The following LCORL variants were observed in gnomAD, a reference collection of about 807,000 sequenced individuals.
LCORL encodes the protein ligand dependent nuclear receptor corepressor like, also known as ligand-dependent nuclear receptor corepressor-like protein.
Under a neutral mutation model 141.8 loss-of-function variants are expected in LCORL, and 41 were observed. That is an observed-to-expected ratio of 0.29 (90% CI 0.23 to 0.38). The LOEUF is 0.38. Among genes scored for constraint, LCORL ranks in the 10% least tolerant of loss-of-function variants. The pLI, the probability that LCORL is intolerant of heterozygous loss-of-function variation, is 1.00. For missense variants in LCORL, 1,759 were observed against 2,035.0 expected, an observed-to-expected ratio of 0.86 and a Z score of 2.61; for synonymous variants, 618 against 694.1, an observed-to-expected ratio of 0.89 and a Z score of 1.72.
rs1281908183 is a variant in LCORL, at chr4:17,921,523, G to A, written c.431-12178C>T. ...TACAGAATAGATGTTCTTGTTTTCA[G>A]GGCATGAAAACAACATTAGTATCCT... On this transcript the variant is annotated intron_variant, in intron 4 of 7. Coordinates refer to ENST00000635767, the Ensembl canonical transcript of LCORL. Among the ~76,000 whole-genome samples the A allele has an allele frequency of 2.0e-5, 3 of 152,206 alleles. No individual in the cohort carries two copies. The East Asian group carries it at 5.8e-4, about 29-fold the overall frequency.
rs57861456 is a variant in LCORL at position 17,984,942 on chromosome 4, C to T, written c.155-12057G>A. 3.0e-3 allele frequency among the ~76,000 whole-genome samples: 464 copies of T among 152,158 alleles called. 6 individuals carry two copies. The East Asian group carries it at 0.044, about 14-fold the overall frequency. On this transcript the variant is annotated intron_variant, in intron 1 of 7. Transcript: ENST00000635767. ...CTGTCTTAGTTGTGCCCCAGAGATTCTGGTATGTTGTATTTTTGTTCTCAT... is the reference window on the plus strand; with the variant it reads ...CTGTCTTAGTTGTGCCCCAGAGATTTTGGTATGTTGTATTTTTGTTCTCAT...
intron 4 of LCORL, among the ~76,000 whole-genome samples, chr4:17,919,434 T>A (rs1444520192): frequency 6.6e-6 from 1 of 152,028 alleles, no homozygotes; most frequent in Non-Finnish European, 1.5e-5. Flanking sequence ...AAAGCAAAAC[T>A]ATCAAATAAA....
At chr4:17,846,138 T>C (rs953202820) in intron 7 of LCORL, among the ~76,000 whole-genome samples, 1 of 152,124 alleles carries the variant, frequency 6.6e-6, no homozygotes, top group African/African-American at 2.4e-5. Context: ...AAAAGTAACA[T>C]TGCATATATG....
chr4:17,909,225 T>C (rs1242975043), exon 5 of LCORL: 2 of 1,613,534 alleles, frequency 1.2e-6, no homozygotes, highest in African/African-American at 2.7e-5. Flanking sequence ...AATTGAACCA[T>C]TTCTATTCTC....
exon 7 of LCORL, chr4:17,874,132 C>T: frequency 8.1e-7 from 1 of 1,233,938 alleles, no homozygotes; most frequent in Non-Finnish European, 1.0e-6. Context: ...GAGTTCCAGT[C>T]AACTGTTCCA....
At chr4:17,912,462 C>A (rs529278298) in intron 4 of LCORL, 1 of 556,358 alleles carries the variant, frequency 1.8e-6, no homozygotes, top group South Asian at 1.5e-5. Flanking sequence ...GGGCCCAATA[C>A]GATGAGCTGG....
In LCORL at chr4:17,873,918, G is replaced by T; in HGVS notation, c.5072C>A (p.Ser1691Ter). Reference sequence around the variant, plus strand: ...ATTTGTTCCATTCTCTTTTGCTTCTGACTTAAATTTATTCTCAAAACTAGC... The same window carrying T: ...ATTTGTTCCATTCTCTTTTGCTTCTTACTTAAATTTATTCTCAAAACTAGC... The change falls in exon 7 of 8, where the codon TCA (serine) becomes TAA (stop). Residue 1691 changes from serine (S) to a stop codon, truncating the protein, a stop_gained. Transcript: ENST00000635767. LOFTEE classifies it high-confidence loss of function. 8.1e-7 allele frequency: 1 copy of T among 1,233,932 alleles called. No homozygotes were observed. Among genetic ancestry groups the T allele is most frequent in the South Asian group, 4.1e-5 (1 of 24,394 alleles). The allele number at this position is 1,233,932 out of a possible 1,614,324, so 76.4% of individuals were successfully genotyped here.
At chr4:17,873,872 T>C in exon 7 of LCORL, 1 of 1,234,066 alleles carries the variant, frequency 8.1e-7, no homozygotes, top group Non-Finnish European at 1.0e-6. Context: ...TTGGTCCCTT[T>C]TGAAAGTCTT....
chr4:17,915,506 A>G (rs1298935520), intron 4 of LCORL, among the ~76,000 whole-genome samples: 2 of 152,206 alleles, frequency 1.3e-5, no homozygotes, highest in Non-Finnish European at 2.9e-5. Flanking sequence ...CTGTAATAAA[A>G]AACTGAAAAG....
chr4:17,873,391 G>A (rs1335658823), exon 7 of LCORL: 2 of 1,233,280 alleles, frequency 1.6e-6, no homozygotes, highest in Non-Finnish European at 2.0e-6. Flanking sequence ...AACTTACCTA[G>A]GGATTTGGAA....
chr4:17,945,047 C>T (rs1053454147), intron 4 of LCORL, among the ~76,000 whole-genome samples: 4 of 152,062 alleles, frequency 2.6e-5, no homozygotes, highest in African/African-American at 9.7e-5. Flanking sequence ...TTCCCAGGTA[C>T]AGTATTTAAT....
intron 4 of LCORL, among the ~76,000 whole-genome samples, chr4:17,952,822 A>T (rs938174299): frequency 6.6e-6 from 1 of 152,090 alleles, no homozygotes; most frequent in Non-Finnish European, 1.5e-5. Context: ...CCATTTCAAC[A>T]CTCATGTACT....
chr4:17,944,259 T>C (rs1248138177), intron 4 of LCORL, among the ~76,000 whole-genome samples: 1 of 152,206 alleles, frequency 6.6e-6, no homozygotes, highest in East Asian at 1.9e-4. Context: ...TATTATTGAC[T>C]ATAGACCCCT....
Position 17,979,987 on chromosome 4 carries a change from T to G in LCORL, c.155-7102A>C, listed in dbSNP as rs376494725. Among the ~76,000 whole-genome samples the G allele has an allele frequency of 2.1e-4, 32 of 152,250 alleles. 1 individual carries two copies. In the South Asian group the frequency reaches 3.7e-3, roughly 18 times the overall value. The stretch of plus-strand genomic sequence containing the variant: ...GGAAATAAAAGAAGACCTCATGCCA[T>G]GGAATGCCAGCAGCCTGTAAAAGCT... On this transcript the variant is annotated intron_variant, in intron 1 of 7. Coordinates refer to ENST00000635767, the Ensembl canonical transcript of LCORL.
intron 4 of LCORL, among the ~76,000 whole-genome samples, chr4:17,958,564 C>T (rs1713143221): frequency 6.6e-6 from 1 of 151,884 alleles, no homozygotes; most frequent in Non-Finnish European, 1.5e-5. Flanking sequence ...ATCTATATGC[C>T]TATGTTTATC....
At chr4:17,850,563 C>G (rs1220918149) in intron 7 of LCORL, among the ~76,000 whole-genome samples, 2 of 152,206 alleles carry the variant, frequency 1.3e-5, no homozygotes, top group African/African-American at 4.8e-5. Context: ...AAATGCAAAT[C>G]AAAACCAGAA....
intron 1 of LCORL, among the ~76,000 whole-genome samples, chr4:17,982,607 C>T (rs147670736): frequency 2.0e-3 from 299 of 152,176 alleles, no homozygotes; most frequent in African/African-American, 6.7e-3. Flanking sequence ...CCTTTGCCCG[C>T]TTTTTAATGG....
intron 7 of LCORL, among the ~76,000 whole-genome samples, chr4:17,863,413 T>C (rs1467528389): frequency 6.6e-6 from 1 of 152,144 alleles, no homozygotes; most frequent in African/African-American, 2.4e-5. Context: ...CACTAATCAT[T>C]AGAGAAATGC....
intron 1 of LCORL, among the ~76,000 whole-genome samples, chr4:17,984,103 T>C (rs1241644752): frequency 6.6e-6 from 1 of 152,228 alleles, no homozygotes; most frequent in African/African-American, 2.4e-5. Flanking sequence ...CGATCTTGCA[T>C]CCCAGGGATA....
Sources: allele counts gnomAD v4.1 joint callset (sites outside exome capture counted in the v4.1 genomes callset), GRCh38; gene constraint gnomAD v4.1.1; transcripts MANE v1.5; gene names NCBI Gene and HGNC (gene_info 2026-07-23, HGNC 2026-07-21).